Variants in CALN1 observed in about 807,000 individuals in gnomAD.
The protein encoded by CALN1 is calneuron 1.
CALN1 carries 17 observed loss-of-function variants against 30.6 expected under a neutral mutation model. That is an observed-to-expected ratio of 0.56 (90% CI 0.38 to 0.83). The LOEUF (loss-of-function observed/expected upper bound fraction) is 0.83, where lower values mean the gene tolerates loss of function less well. CALN1 is among the 40% of genes least tolerant of loss of function. The pLI, the probability that CALN1 is intolerant of heterozygous loss-of-function variation, is 0.00. For synonymous variants in CALN1, 156 were observed against 131.4 expected (o/e 1.19, Z -1.28); for missense variants, 291 against 354.9 (o/e 0.82, Z 1.45).
At chr7:72,382,536 T>C (rs768392907) in intron 2 of CALN1, among the ~76,000 whole-genome samples, 3 of 152,136 alleles carry the variant, frequency 2.0e-5, no homozygotes, top group East Asian at 1.9e-4. Context: ...ATGCTGAGGT[T>C]TGAGGTACAA....
intron 3 of CALN1, among the ~76,000 whole-genome samples, chr7:72,213,433 G>C (rs1248952785): frequency 6.6e-6 from 1 of 152,180 alleles, no homozygotes; most frequent in Non-Finnish European, 1.5e-5. Context: ...GTTGCCTGGG[G>C]CTGGGAGTGA....
At chr7:71,810,232 G>T in intron 6 of CALN1, 104 bp downstream of exon 6, 1 of 1,283,044 alleles carries the variant, frequency 7.8e-7, no homozygotes. Context: ...CAGTACAAGG[G>T]AACATCAGCC....
At chr7:72,363,921 G>A (rs1189418615) in intron 2 of CALN1, among the ~76,000 whole-genome samples, 2 of 151,734 alleles carry the variant, frequency 1.3e-5, no homozygotes, top group African/African-American at 4.8e-5. Flanking sequence ...TTTCAGTAGA[G>A]AAGGGTTTTC....
intron 3 of CALN1, among the ~76,000 whole-genome samples, chr7:72,122,369 A>G (rs908717208): frequency 2.4e-4 from 37 of 152,160 alleles, no homozygotes; most frequent in African/African-American, 8.9e-4. Context: ...GAAAAAGTGA[A>G]TGGAGAGAAG....
At position 71,792,022 on chromosome 7, in the gene CALN1, A is replaced by G. The variant is rs190105260; in HGVS notation, c.659-4120T>C. On this transcript the variant is annotated intron_variant, in intron 6 of 6. Transcript: ENST00000395275. Reference sequence around the variant, plus strand: ...AGACTCCGTCTCAAAAAAAGAAAAAAAAAATGGCATTGAGCAGGAAGGTTT... The same window carrying G: ...AGACTCCGTCTCAAAAAAAGAAAAAGAAAATGGCATTGAGCAGGAAGGTTT... Among the ~76,000 whole-genome samples, 655 of 152,178 alleles carry G rather than the reference A, an allele frequency of 4.3e-3. 2 individuals carry two copies. The highest frequency in any genetic ancestry group is 0.014 in the African/African-American group (595 of 41,482).
chr7:72,376,958 T>C (rs940805924), intron 2 of CALN1, among the ~76,000 whole-genome samples: 1 of 152,246 alleles, frequency 6.6e-6, no homozygotes, highest in South Asian at 2.1e-4. Flanking sequence ...TTTCCTCCAT[T>C]GAATGGCCTT....
intron 3 of CALN1, among the ~76,000 whole-genome samples, chr7:72,263,538 G>C (rs946059958): frequency 6.6e-6 from 1 of 151,990 alleles, no homozygotes. Context: ...TTGGACTATA[G>C]GTACCCACCA....
Position 72,131,836 on chromosome 7 carries a change from C to T in CALN1, c.245-25542G>A, listed in dbSNP as rs562755574. 1.5e-4 allele frequency among the ~76,000 whole-genome samples: 23 copies of T among 152,264 alleles called. No individual in the cohort carries two copies. In the South Asian group the frequency reaches 2.7e-3, roughly 18 times the overall value. On this transcript the variant is annotated intron_variant, in intron 3 of 6. Coordinates refer to ENST00000395275, the MANE Select transcript of CALN1 (RefSeq NM_031468.4). ...CTGGAACCACTCTCTTTCCAAAACC[C>T]TAACTCCATTACCTCCTAGCTCTCT...
intron 3 of CALN1, among the ~76,000 whole-genome samples, chr7:72,270,538 G>A (rs1262723008): frequency 1.3e-5 from 2 of 152,194 alleles, no homozygotes. Context: ...TTGGGAGACT[G>A]AGGTGGGAGG....
chr7:72,478,967 C>T, the CALN1 span, among the ~76,000 whole-genome samples: 2 of 150,098 alleles, frequency 1.3e-5, no homozygotes, highest in African/African-American at 5.0e-5. Context: ...TTGCAAACTC[C>T]ACCTCCCGGG....
chr7:72,492,647 C>T, the CALN1 span, among the ~76,000 whole-genome samples: 1 of 152,218 alleles, frequency 6.6e-6, no homozygotes, highest in Non-Finnish European at 1.5e-5. Flanking sequence ...GCTGGGTCAG[C>T]CCTCGTGGCT....
At chr7:71,897,902 T>C (rs2116919914) in intron 5 of CALN1, among the ~76,000 whole-genome samples, 1 of 139,704 alleles carries the variant, frequency 7.2e-6, no homozygotes, top group South Asian at 2.2e-4. Context: ...ACAATGTTCA[T>C]GGAAGAAAAA....
chr7:72,197,593 G>A (rs984497205), intron 3 of CALN1, among the ~76,000 whole-genome samples: 2 of 152,148 alleles, frequency 1.3e-5, no homozygotes, highest in African/African-American at 4.8e-5. Flanking sequence ...ACTTTGGGAG[G>A]CTGAGGTGGA....
At chr7:72,369,302 TATATTTATAA>T (rs1344173802) in intron 2 of CALN1, among the ~76,000 whole-genome samples, 2 of 147,408 alleles carry the variant, frequency 1.4e-5, no homozygotes, top group Non-Finnish European at 1.5e-5. Context: ...TATATATTTA[TATATTTATAA>T]ATATTTATAA....
chr7:72,487,921 G>A, the CALN1 span, among the ~76,000 whole-genome samples: 618 of 59,436 alleles, frequency 0.01, 10 homozygotes, highest in Middle Eastern at 0.044. Flanking sequence ...AAAGAAAGAA[G>A]GAAGGAAGGA....
intron 3 of CALN1, among the ~76,000 whole-genome samples, chr7:72,229,432 G>T (rs1171006587): frequency 6.6e-6 from 1 of 151,986 alleles, no homozygotes; most frequent in Non-Finnish European, 1.5e-5. Flanking sequence ...CTATTACTGG[G>T]TGTGTACCCA....
At chr7:72,454,099 G>A in the CALN1 span, among the ~76,000 whole-genome samples, 1 of 152,108 alleles carries the variant, frequency 6.6e-6, no homozygotes, top group Non-Finnish European at 1.5e-5. Flanking sequence ...GGTGTGTTAG[G>A]TAAATGTCCG....
chr7:72,002,159 C>T (rs1278608504), intron 5 of CALN1, among the ~76,000 whole-genome samples: 1 of 152,204 alleles, frequency 6.6e-6, no homozygotes, highest in Non-Finnish European at 1.5e-5. Context: ...TGCTAGTCAA[C>T]ATCATACAGA....
At chr7:71,967,625 C>CAAAAAA (rs761089148) in intron 5 of CALN1, among the ~76,000 whole-genome samples, 2 of 70,352 alleles carry the variant, frequency 2.8e-5, no homozygotes, top group African/African-American at 9.7e-5. Flanking sequence ...GACCCTGTTT[C>CAAAAAA]AAAAAAAAAA....
Sources: allele counts gnomAD v4.1 joint callset (sites outside exome capture counted in the v4.1 genomes callset), GRCh38; gene constraint gnomAD v4.1.1; transcripts MANE v1.5; gene names NCBI Gene and HGNC (gene_info 2026-07-23, HGNC 2026-07-21).